The following PDGFD variants were observed in gnomAD, a reference collection of about 807,000 sequenced individuals.
The protein encoded by PDGFD is platelet derived growth factor D, also known as platelet-derived growth factor D.
PDGFD carries 30 observed loss-of-function variants against 44.7 expected under a neutral mutation model. That is an observed-to-expected ratio of 0.67 (90% confidence interval 0.50 to 0.91). PDGFD has a LOEUF of 0.91. PDGFD is among the 40% of genes least tolerant of loss of function. The pLI is 0.00. For synonymous variants in PDGFD, 173 were observed against 168.4 expected (o/e 1.03, Z -0.21); for missense variants, 445 against 457.8 (o/e 0.97, Z 0.25).
chr11:103,955,886 T>C (rs1858836705), intron 3 of PDGFD, among the ~76,000 whole-genome samples: 1 of 152,148 alleles, frequency 6.6e-6, no homozygotes, highest in Non-Finnish European at 1.5e-5. Flanking sequence ...TTTATCATTA[T>C]TGACAATCAA....
intron 1 of PDGFD, among the ~76,000 whole-genome samples, chr11:104,121,875 T>C (rs567846175): frequency 6.6e-6 from 1 of 152,216 alleles, no homozygotes; most frequent in South Asian, 2.1e-4. Flanking sequence ...ATTATTCATT[T>C]CATTCTTCAA....
chr11:104,037,146 T>C, intron 1 of PDGFD: 2 of 1,613,780 alleles, frequency 1.2e-6, no homozygotes, highest in Non-Finnish European at 1.7e-6. Context: ...CCAGCTCCCG[T>C]CCACAGCACC....
chr11:104,142,398 C>T (rs952586667), intron 1 of PDGFD, among the ~76,000 whole-genome samples: 11 of 150,896 alleles, frequency 7.3e-5, no homozygotes, highest in Non-Finnish European at 1.5e-4. Flanking sequence ...AATACAAATG[C>T]CTGGATACAT....
chr11:104,141,743 C>T (rs1862088849), intron 1 of PDGFD, among the ~76,000 whole-genome samples: 1 of 152,130 alleles, frequency 6.6e-6, no homozygotes, highest in African/African-American at 2.4e-5. Context: ...GGCAATGTGA[C>T]CATGAAGGCA....
At chr11:103,989,851 CT>C (rs1323402891) in intron 3 of PDGFD, among the ~76,000 whole-genome samples, 1 of 151,972 alleles carries the variant, frequency 6.6e-6, no homozygotes, top group Non-Finnish European at 1.5e-5. Flanking sequence ...GTGCCATGCA[CT>C]ATGATAAAAC....
At chr11:104,119,773 AAATAT>A (rs1259755377) in intron 1 of PDGFD, among the ~76,000 whole-genome samples, 1,871 of 112,950 alleles carry the variant, frequency 0.017, 59 homozygotes, top group African/African-American at 0.064. Context: ...ATATATGATA[AAATAT>A]AATATATAAG....
At chr11:104,115,708 G>T (rs116183935) in intron 1 of PDGFD, among the ~76,000 whole-genome samples, 4,869 of 151,900 alleles carry the variant, frequency 0.032, 141 homozygotes, top group African/African-American at 0.075. Context: ...TATTATTTTT[G>T]ATTTTTTTAT....
At chr11:103,941,882 A>G (rs1482254672) in intron 5 of PDGFD, among the ~76,000 whole-genome samples, 1 of 152,030 alleles carries the variant, frequency 6.6e-6, no homozygotes, top group Non-Finnish European at 1.5e-5. Context: ...ATATGTGCAT[A>G]TTTTACTTTC....
At chr11:104,116,823 G>A (rs1401625538) in intron 1 of PDGFD, among the ~76,000 whole-genome samples, 1 of 151,914 alleles carries the variant, frequency 6.6e-6, no homozygotes, top group South Asian at 2.1e-4. Flanking sequence ...AGTCTCACAA[G>A]ATCTGATGGG....
intron 3 of PDGFD, among the ~76,000 whole-genome samples, chr11:103,955,008 C>CA (rs1344975040): frequency 6.7e-6 from 1 of 149,866 alleles, no homozygotes; most frequent in African/African-American, 2.4e-5. Context: ...ACTAAAAATA[C>CA]AAAAAATTAG....
intron 5 of PDGFD, among the ~76,000 whole-genome samples, chr11:103,939,979 C>T (rs1031074152): frequency 6.6e-6 from 1 of 152,044 alleles, no homozygotes; most frequent in Non-Finnish European, 1.5e-5. Flanking sequence ...TTGAGCTTAT[C>T]TATTACTTGT....
intron 1 of PDGFD, among the ~76,000 whole-genome samples, chr11:104,079,739 T>C (rs1861016801): frequency 6.6e-6 from 1 of 152,124 alleles, no homozygotes; most frequent in South Asian, 2.1e-4. Flanking sequence ...TTCTGTCTAG[T>C]TTTACCAATA....
chr11:104,126,257 C>A (rs1186502317), intron 1 of PDGFD, among the ~76,000 whole-genome samples: 13 of 152,160 alleles, frequency 8.5e-5, no homozygotes, highest in Non-Finnish European at 2.9e-5. Flanking sequence ...GCTGGAGGCA[C>A]AAACTCTCCT....
At chr11:103,965,427 T>C (rs931352958) in intron 3 of PDGFD, among the ~76,000 whole-genome samples, 5 of 152,222 alleles carry the variant, frequency 3.3e-5, no homozygotes, top group African/African-American at 1.2e-4. Context: ...CCAGGTGCTG[T>C]ATCTTTATTT....
intron 1 of PDGFD, among the ~76,000 whole-genome samples, chr11:104,119,164 CATATAATATATTAATAT>C (rs1861707264): frequency 1.7e-4 from 1 of 5,922 alleles, no homozygotes; most frequent in East Asian, 8.8e-3. Flanking sequence ...ATTGATATAA[CATATAATATATTAATAT>C]AATATATTGA....
rs1378266176 is a variant in PDGFD, at chr11:103,907,875, T to C, written c.*1819A>G. 6.6e-6 allele frequency: 1 copy of C among 152,220 alleles called. No individual in the cohort carries two copies. Among genetic ancestry groups the C allele is most frequent in the East Asian group, 1.9e-4 (1 of 5,200 alleles). The allele number at this position is 152,220 out of a possible 1,614,324, so 9.4% of individuals were successfully genotyped here. On this transcript the variant is annotated 3_prime_UTR_variant, in exon 7 of 7. Transcript: ENST00000393158. ...TTTTAGAGAATTGAACAATAGAGTA[T>C]TTAATTTTACCACTCCCCTCTTGAG... is the stretch of plus-strand genomic sequence containing the variant.
At chr11:104,067,299 C>A (rs1466449052) in intron 1 of PDGFD, among the ~76,000 whole-genome samples, 2 of 152,070 alleles carry the variant, frequency 1.3e-5, no homozygotes, top group Non-Finnish European at 2.9e-5. Context: ...AAACTCATTT[C>A]TTTTCAAACA....
At chr11:104,073,124 T>A (rs1048895694) in intron 1 of PDGFD, among the ~76,000 whole-genome samples, 35 of 152,078 alleles carry the variant, frequency 2.3e-4, no homozygotes, top group African/African-American at 8.4e-4. Context: ...TATCTTATAA[T>A]CCAGGATTAG....
chr11:103,947,851 C>T (rs1244143329), intron 3 of PDGFD, 127 bp from the exon 4 acceptor site: 1 of 715,500 alleles, frequency 1.4e-6, no homozygotes, highest in African/African-American at 1.7e-5. Context: ...GGCTATATTC[C>T]TGCTGAACAG....
Sources: allele counts gnomAD v4.1 joint callset (sites outside exome capture counted in the v4.1 genomes callset), GRCh38; gene constraint gnomAD v4.1.1; transcripts MANE v1.5; gene names NCBI Gene and HGNC (gene_info 2026-07-23, HGNC 2026-07-21).